Variants in RNF32 observed in about 807,000 individuals in gnomAD.
The protein encoded by RNF32 is ring finger protein 32.
RNF32 carries 36 observed loss-of-function variants against 41.0 expected under a neutral mutation model. That is an observed-to-expected ratio of 0.88 (90% CI 0.67 to 1.16). The LOEUF (loss-of-function observed/expected upper bound fraction) is 1.16. Among genes scored for constraint, RNF32 ranks in the 50% most tolerant of loss-of-function variants. The pLI is 0.00. For missense variants in RNF32, 413 were observed against 436.7 expected, an observed-to-expected ratio of 0.95 and a Z score of 0.48; for synonymous variants, 154 against 160.9, an observed-to-expected ratio of 0.96 and a Z score of 0.32.
chr7:156,654,197 T>A (rs1397853434), intron 3 of RNF32: 1 of 153,084 alleles, frequency 6.5e-6, no homozygotes, highest in Non-Finnish European at 1.5e-5. Flanking sequence ...CAGATCAAAA[T>A]TTTAATAAAT....
At chr7:156,661,937 C>G (rs149489816) in intron 7 of RNF32, among the ~76,000 whole-genome samples, 13 of 152,288 alleles carry the variant, frequency 8.5e-5, no homozygotes, top group South Asian at 2.1e-4. Context: ...TATACATATA[C>G]GCACACACAC....
chr7:156,645,176 A>G (rs893962201), intron 3 of RNF32, among the ~76,000 whole-genome samples: 2 of 152,250 alleles, frequency 1.3e-5, no homozygotes, highest in Non-Finnish European at 2.9e-5. Context: ...ATTTACGTAC[A>G]GACACAGAAT....
chr7:156,648,202 G>C (rs2131373655), intron 3 of RNF32, among the ~76,000 whole-genome samples: 1 of 152,312 alleles, frequency 6.6e-6, no homozygotes, highest in African/African-American at 2.4e-5. Context: ...AGGTTTGGTT[G>C]AGGATGGCGT....
intron 1 of RNF32, among the ~76,000 whole-genome samples, chr7:156,642,350 C>T (rs1195166183): frequency 6.6e-6 from 1 of 152,182 alleles, no homozygotes; most frequent in East Asian, 1.9e-4. Flanking sequence ...ATGAGCTCTA[C>T]ATTTAAGAAA....
At chr7:156,672,142 C>T (rs1802685795) in intron 7 of RNF32, among the ~76,000 whole-genome samples, 1 of 152,158 alleles carries the variant, frequency 6.6e-6, no homozygotes, top group Admixed American at 6.5e-5. Context: ...CACCAGTTAC[C>T]ATTAAGACTG....
At chr7:156,662,169 G>A (rs2302150) in intron 7 of RNF32, among the ~76,000 whole-genome samples, 59,889 of 151,956 alleles carry the variant, frequency 0.39, 12,746 homozygotes, top group African/African-American at 0.56. Flanking sequence ...TGCCTGTATG[G>A]GTAGAACTCA....
chr7:156,662,707 G>A (rs1020052969), intron 7 of RNF32, among the ~76,000 whole-genome samples: 1 of 151,868 alleles, frequency 6.6e-6, no homozygotes, highest in Admixed American at 6.6e-5. Flanking sequence ...TTATGCAATA[G>A]AAGTGAAAAT....
intron 3 of RNF32, 149 bp downstream of exon 3, chr7:156,644,906 T>A (rs988404057): frequency 9.4e-6 from 7 of 743,358 alleles, no homozygotes; most frequent in Non-Finnish European, 1.2e-5. Flanking sequence ...TGTATTGAAG[T>A]TTAAAAATGA....
intron 5 of RNF32, 35 bp from the exon 6 acceptor site, chr7:156,658,093 A>G (rs1015919056): frequency 5.6e-6 from 9 of 1,596,086 alleles, no homozygotes; most frequent in Non-Finnish European, 6.9e-6. Flanking sequence ...ATAAGTAATT[A>G]CTTGTAAAAT....
At chr7:156,672,823 T>C (rs1275161476) in intron 7 of RNF32, among the ~76,000 whole-genome samples, 1 of 152,212 alleles carries the variant, frequency 6.6e-6, no homozygotes, top group African/African-American at 2.4e-5. Context: ...AGTTGGGAGG[T>C]GACACCTCCA....
At chr7:156,641,851 CA>C (rs1797375037) in intron 1 of RNF32, among the ~76,000 whole-genome samples, 1 of 152,044 alleles carries the variant, frequency 6.6e-6, no homozygotes, top group African/African-American at 2.4e-5. Context: ...TGATGAGATA[CA>C]GGGTGGAACT....
rs185649462 is a variant in RNF32 at position 156,671,848 on chromosome 7, T to A, written c.685-3848T>A. On this transcript the variant is annotated intron_variant, in intron 7 of 8. Transcript: ENST00000317955. ...GCTGAGGCTAGAAATAAATTTTTTT[T>A]AAAAAAATAGAACTATCTCACGTTT... is the stretch of plus-strand genomic sequence containing the variant. Among the ~76,000 whole-genome samples the A allele has an allele frequency of 1.0e-2, 1,517 of 151,862 alleles. 26 individuals are homozygous for A. The highest frequency in any genetic ancestry group is 0.029 in the African/African-American group (1,219 of 41,332).
chr7:156,668,845 C>T (rs897051098), intron 7 of RNF32: 8 of 152,398 alleles, frequency 5.2e-5, no homozygotes, highest in Admixed American at 2.0e-4. Context: ...ATTCACCATG[C>T]GGATCCTGTA....
Position 156,658,814 on chromosome 7 carries a change from T to A in RNF32, c.684+244T>A, listed in dbSNP as rs1273504473. 3.1e-5 allele frequency: 38 copies of A among 1,224,504 alleles called. No homozygotes were observed. In the Admixed American group the frequency reaches 8.1e-4, roughly 26 times the overall value. The allele number at this position is 1,224,504 out of a possible 1,614,324, so 75.9% of individuals were successfully genotyped here. ...AAAATTAGGTTAAATCAAAGCAACT[T>A]CTGTTTGGCCATTTTGTGCTAATTG... is the stretch of plus-strand genomic sequence containing the variant. On this transcript the variant is annotated intron_variant, in intron 7 of 8. Coordinates refer to ENST00000317955, the MANE Select transcript of RNF32 (RefSeq NM_030936.4).
intron 7 of RNF32, among the ~76,000 whole-genome samples, chr7:156,666,661 C>T (rs1364539045): frequency 2.6e-5 from 4 of 152,106 alleles, no homozygotes. Context: ...CAGTAGTCCT[C>T]GAACACTTAT....
chr7:156,676,887 A>G lies in RNF32; in HGVS notation c.*232A>G. On this transcript the variant is annotated 3_prime_UTR_variant, in exon 9 of 9. Transcript: ENST00000317955. Reference sequence around the variant, plus strand: ...ATTTATGAGTTTAATCACTTCAAATATGAATAGCAAAAAATGAGAGCTTGC... The same window carrying G: ...ATTTATGAGTTTAATCACTTCAAATGTGAATAGCAAAAAATGAGAGCTTGC... 1 of 486,880 alleles carries G rather than the reference A, an allele frequency of 2.1e-6. No individual in the cohort carries two copies. Among genetic ancestry groups the G allele is most frequent in the Non-Finnish European group, 3.7e-6 (1 of 271,488 alleles). The allele number at this position is 486,880 out of a possible 1,614,324, so 30.2% of individuals were successfully genotyped here.
At chr7:156,656,496 A>G (rs1799693723) in intron 4 of RNF32, among the ~76,000 whole-genome samples, 1 of 152,232 alleles carries the variant, frequency 6.6e-6, no homozygotes, top group South Asian at 2.1e-4. Flanking sequence ...CCTATTACTG[A>G]GTTTATTCAA....
In RNF32 at chr7:156,670,061, T is replaced by C. The variant is rs1802139388; in HGVS notation, c.685-5635T>C. ...TTTTTATTTGCTGTTTATTTAATGT[T>C]ATTCTAAGAAAAAATTAAATTATAA... On this transcript the variant is annotated intron_variant, in intron 7 of 8. Coordinates refer to ENST00000317955, the MANE Select transcript of RNF32 (RefSeq NM_030936.4). The surrounding 1 kb of genome is among the most constrained non-coding windows in gnomAD (Gnocchi z 4.3). Among the ~76,000 whole-genome samples the C allele has an allele frequency of 6.6e-6, 1 of 152,254 alleles. No individual in the cohort carries two copies. The highest frequency in any genetic ancestry group is 2.4e-5 in the African/African-American group (1 of 41,464).
intron 3 of RNF32, among the ~76,000 whole-genome samples, chr7:156,653,376 A>G (rs377208093): frequency 3.9e-4 from 60 of 152,326 alleles, no homozygotes; most frequent in African/African-American, 1.4e-3. Flanking sequence ...TGTTAGCAAG[A>G]TGACGAAATC....
Sources: gnomAD v4.1 joint callset for allele counts (sites outside exome capture counted in the v4.1 genomes callset) on GRCh38, gnomAD v4.1.1 for gene constraint, Gnocchi (gnomAD v3.1) non-coding constraint, MANE v1.5 for transcripts, NCBI Gene and HGNC (gene_info 2026-07-23, HGNC 2026-07-21) for gene names.